REDIC1: variants seen among roughly 807,000 people sequenced by gnomAD.
REDIC1 encodes the protein regulator of DNA class I crossover intermediates 1, also known as HEI10 Interacting Protein 1.
At chr12:39,830,930 C>G in the REDIC1 span, among the ~76,000 whole-genome samples, 2 of 152,156 alleles carry the variant, frequency 1.3e-5, no homozygotes, top group African/African-American at 4.8e-5. Context: ...ATCAGTTACT[C>G]ATTGCTCATT....
At chr12:39,791,238 C>G in the REDIC1 span, among the ~76,000 whole-genome samples, 1 of 145,480 alleles carries the variant, frequency 6.9e-6, no homozygotes, top group Non-Finnish European at 1.5e-5. Flanking sequence ...ATAATAAGAG[C>G]TATCTATGAC....
At chr12:39,666,744 G>T in the REDIC1 span, among the ~76,000 whole-genome samples, 1 of 152,090 alleles carries the variant, frequency 6.6e-6, no homozygotes, top group South Asian at 2.1e-4. Context: ...CAATTTCAGA[G>T]CCTGTTATTG....
chr12:39,664,312 G>A, the REDIC1 span, among the ~76,000 whole-genome samples: 357 of 149,670 alleles, frequency 2.4e-3, 1 homozygote, highest in African/African-American at 8.3e-3. Flanking sequence ...ACCTATGAGT[G>A]AGAACATGTG....
At chr12:39,715,156 G>A in the REDIC1 span, among the ~76,000 whole-genome samples, 2 of 151,904 alleles carry the variant, frequency 1.3e-5, no homozygotes, top group African/African-American at 2.4e-5. Context: ...GTCTAGAAGG[G>A]TTTTTCCCAT....
chr12:39,899,438 G>A, the REDIC1 span, among the ~76,000 whole-genome samples: 4 of 152,062 alleles, frequency 2.6e-5, no homozygotes, highest in African/African-American at 4.8e-5. Flanking sequence ...CCAGCTCCTG[G>A]ATTCATTAAC....
the REDIC1 span, among the ~76,000 whole-genome samples, chr12:39,627,048 A>G: frequency 1.3e-5 from 2 of 152,206 alleles, no homozygotes; most frequent in Non-Finnish European, 1.5e-5. Context: ...TCTTGATGAG[A>G]AGAATTGTTT....
chr12:39,874,119 AT>A, the REDIC1 span, among the ~76,000 whole-genome samples: 1 of 152,198 alleles, frequency 6.6e-6, no homozygotes. Context: ...AGAGCAAATA[AT>A]TTATTTGCTG....
the REDIC1 span, among the ~76,000 whole-genome samples, chr12:39,779,919 T>C: frequency 1.3e-5 from 2 of 152,242 alleles, no homozygotes; most frequent in African/African-American, 2.4e-5. Flanking sequence ...CAAGCTGATT[T>C]ATCACTGTGG....
At chr12:39,839,584 A>T in the REDIC1 span, among the ~76,000 whole-genome samples, 1 of 151,880 alleles carries the variant, frequency 6.6e-6, no homozygotes, top group African/African-American at 2.4e-5. Flanking sequence ...CCTCTTTCCT[A>T]CAATGTTCTC....
the REDIC1 span, among the ~76,000 whole-genome samples, chr12:39,821,512 C>T: frequency 6.6e-6 from 1 of 152,052 alleles, no homozygotes; most frequent in African/African-American, 2.4e-5. Context: ...CAAAAGAGAG[C>T]GAATTGCAGT....
the REDIC1 span, among the ~76,000 whole-genome samples, chr12:39,780,473 A>G: frequency 6.6e-6 from 1 of 152,248 alleles, no homozygotes; most frequent in Non-Finnish European, 1.5e-5. Context: ...AAAAATGAGT[A>G]GAATAAAATG....
chr12:39,783,306 T>C, the REDIC1 span, among the ~76,000 whole-genome samples: 3 of 152,236 alleles, frequency 2.0e-5, no homozygotes, highest in African/African-American at 7.2e-5. Context: ...GTCTTTGCTA[T>C]TGTGAATAGT....
chr12:39,703,853 T>C, the REDIC1 span, among the ~76,000 whole-genome samples: 1 of 152,154 alleles, frequency 6.6e-6, no homozygotes, highest in Non-Finnish European at 1.5e-5. Flanking sequence ...TAAATGGTGC[T>C]GGGAAAACTG....
chr12:39,895,316 C>T, the REDIC1 span, among the ~76,000 whole-genome samples: 2 of 151,116 alleles, frequency 1.3e-5, no homozygotes, highest in Non-Finnish European at 3.0e-5. Context: ...CGGGGAAATC[C>T]CGTCTCTACT....
the REDIC1 span, among the ~76,000 whole-genome samples, chr12:39,655,922 G>A: frequency 6.6e-6 from 1 of 152,046 alleles, no homozygotes; most frequent in African/African-American, 2.4e-5. Context: ...CATTTTGGGG[G>A]AGAGTATTTG....
the REDIC1 span, among the ~76,000 whole-genome samples, chr12:39,700,030 G>A: frequency 5.3e-5 from 8 of 152,140 alleles, no homozygotes; most frequent in East Asian, 1.9e-4. Context: ...AAAGCAGAGC[G>A]CCTCTCCTCC....
chr12:39,748,068 C>G, the REDIC1 span, among the ~76,000 whole-genome samples: 1 of 152,100 alleles, frequency 6.6e-6, no homozygotes, highest in Admixed American at 6.5e-5. Context: ...ATCAAATTCA[C>G]ACATAACAAT....
the REDIC1 span, among the ~76,000 whole-genome samples, chr12:39,894,090 A>C: frequency 8.0e-4 from 122 of 152,338 alleles, no homozygotes; most frequent in Non-Finnish European, 1.5e-3. Context: ...TGTTTTTGCA[A>C]ACATTTAGTA....
the REDIC1 span, among the ~76,000 whole-genome samples, chr12:39,823,861 GTTTTTA>G: frequency 6.6e-6 from 1 of 152,040 alleles, no homozygotes; most frequent in Non-Finnish European, 1.5e-5. Flanking sequence ...GTTTTTTAGT[GTTTTTA>G]TTACTACAGG....
Sources: allele counts gnomAD v4.1 joint callset (sites outside exome capture counted in the v4.1 genomes callset), GRCh38; gene constraint gnomAD v4.1.1; transcripts MANE v1.5; gene names NCBI Gene and HGNC (gene_info 2026-07-23, HGNC 2026-07-21).